Variants in TRPV1 observed in about 807,000 individuals in gnomAD.
TRPV1 encodes OTRPC1.
A neutral mutation model predicts 82.3 loss-of-function variants in TRPV1; 82 were observed. The observed-to-expected ratio is 1.00, with a 90% CI of 0.83 to 1.20. The LOEUF is 1.20. Among genes scored for constraint, TRPV1 ranks in the 50% most tolerant of loss-of-function variants. The pLI, the probability that TRPV1 is intolerant of heterozygous loss-of-function variation, is 0.00. For synonymous variants in TRPV1, 515 were observed against 467.7 expected (o/e 1.10, Z -1.30); for missense variants, 1,067 against 1,096.8 (o/e 0.97, Z 0.38).
At chr17:3,590,520 A>AC (rs1486710600) in intron 5 of TRPV1, 128 bp from the exon 6 acceptor site, 63 of 1,378,706 alleles carry the variant, frequency 4.6e-5, no homozygotes, top group South Asian at 7.6e-5. Context: ...TGCCTGGAGG[A>AC]CCCCCCCACT....
Position 3,588,714 on chromosome 17 carries a change from C to T in TRPV1, c.1045-347G>A, listed in dbSNP as rs148434263. ...CTGTAATCCCGGCTACTTGAGAGGC[C>T]GAGACAGGAGAATCACTTGAACCTG... On this transcript the variant is annotated intron_variant, in intron 7 of 16. Transcript: ENST00000572705. Among the ~76,000 whole-genome samples, 27 of 151,124 alleles carry T rather than the reference C, an allele frequency of 1.8e-4. No individual in the cohort carries two copies. The East Asian group carries it at 5.1e-3, about 28-fold the overall frequency.
At chr17:3,582,214 A>AAAAAAAAAAAAAAACAAAC (rs2075030233) in intron 10 of TRPV1, among the ~76,000 whole-genome samples, 1 of 146,060 alleles carries the variant, frequency 6.8e-6, no homozygotes, top group East Asian at 2.1e-4. Flanking sequence ...AAAAAAAAAA[A>AAAAAAAAAAAAAAACAAAC]TCACAGTGGA....
At chr17:3,590,207 T>C in intron 6 of TRPV1, 45 bp downstream of exon 6, 2 of 1,605,118 alleles carry the variant, frequency 1.2e-6, no homozygotes, top group Non-Finnish European at 1.7e-6. Context: ...AACCTCCCCT[T>C]AGCAAAAGCC....
At position 3,581,987 on chromosome 17, in the gene TRPV1, G is replaced by T. The variant is rs375344371; in HGVS notation, c.1476+1351C>A. Among the ~76,000 whole-genome samples, 38 of 143,982 alleles carry T rather than the reference G, an allele frequency of 2.6e-4. 1 individual carries two copies. In the South Asian group the frequency reaches 6.3e-3, roughly 24 times the overall value. 94.5% of individuals were successfully genotyped at this position (143,982 alleles called of 152,430 possible). On this transcript the variant is annotated intron_variant, in intron 10 of 16. Transcript: ENST00000572705. ...GGGCGGATCACGAGGTCAGGAGATC[G>T]AGACCATCCTGGCTAACACGGTGAA... is the stretch of plus-strand genomic sequence containing the variant.
rs201833917 is a variant in TRPV1, at chr17:3,590,036, G to A, written c.815C>T (p.Ser272Phe). Residue 272 changes from serine (S) to phenylalanine (F), a missense_variant, in exon 7 of 17, where the codon TCC (serine) becomes TTC (phenylalanine). By Grantham distance (155) the Ser-to-Phe change is radical. Coordinates refer to ENST00000572705, the MANE Select transcript of TRPV1 (RefSeq NM_080704.4). ...LGIVKFLLQNSWQTADISARD... is the reference protein window; with the variant it reads ...LGIVKFLLQNFWQTADISARD... Reference sequence around the variant, plus strand: ...GGCGCTGATGTCGGCCGTCTGCCAGGAGTTCTGCAGCAGGAACTTCACGAT... The same window carrying A: ...GGCGCTGATGTCGGCCGTCTGCCAGAAGTTCTGCAGCAGGAACTTCACGAT... The A allele has an allele frequency of 6.3e-7, 1 of 1,582,610 alleles. No homozygotes were observed. Among genetic ancestry groups the A allele is most frequent in the Non-Finnish European group, 8.6e-7 (1 of 1,165,032 alleles).
chr17:3,577,082 A>G, intron 13 of TRPV1, 44 bp downstream of exon 13: 1 of 1,553,626 alleles, frequency 6.4e-7, no homozygotes, highest in African/African-American at 1.4e-5. Context: ...AGGCTCAGCC[A>G]AGCAGGACCC....
chr17:3,600,391 C>T (rs1000636566), intron 2 of TRPV1, among the ~76,000 whole-genome samples: 1 of 152,156 alleles, frequency 6.6e-6, no homozygotes, highest in African/African-American at 2.4e-5. Flanking sequence ...AGTTCAAGAC[C>T]AGCCTAGCCA....
intron 14 of TRPV1, 97 bp downstream of exon 14, chr17:3,573,536 C>CA (rs1229648168): frequency 7.2e-6 from 1 of 138,908 alleles, no homozygotes; most frequent in Non-Finnish European, 1.6e-5. Flanking sequence ...CACACCGCCC[C>CA]CACCACCCAC....
chr17:3,587,612 A>G (rs2075100154), intron 8 of TRPV1, among the ~76,000 whole-genome samples: 1 of 152,218 alleles, frequency 6.6e-6, no homozygotes, highest in East Asian at 1.9e-4. Flanking sequence ...TGAGGTCAAG[A>G]GTTCGAGACC....
intron 13 of TRPV1, among the ~76,000 whole-genome samples, chr17:3,576,653 G>GAAGAA (rs1555549428): frequency 2.4e-5 from 1 of 41,490 alleles, no homozygotes; most frequent in East Asian, 1.6e-3. Flanking sequence ...CTCTGTATGA[G>GAAGAA]AAAAAAAAAA....
chr17:3,586,919 C>G (rs1222142491), intron 8 of TRPV1, among the ~76,000 whole-genome samples: 3 of 152,186 alleles, frequency 2.0e-5, no homozygotes, highest in African/African-American at 7.2e-5. Flanking sequence ...TGATCAGTGT[C>G]TTCTTGAATG....
chr17:3,577,489 GC>G (rs1312665661), intron 12 of TRPV1, 108 bp downstream of exon 12: 4 of 1,355,484 alleles, frequency 3.0e-6, no homozygotes, highest in Non-Finnish European at 3.0e-6. Context: ...GGGTAAACCA[GC>G]CCCTTCCCAG....
In TRPV1 at chr17:3,594,948, G is replaced by A. The variant is rs556295334; in HGVS notation, c.-33-2565C>T. 1.6e-4 allele frequency among the ~76,000 whole-genome samples: 24 copies of A among 152,298 alleles called. No homozygotes were observed. The East Asian group carries it at 4.6e-3, about 29-fold the overall frequency. On this transcript the variant is annotated intron_variant, in intron 2 of 16. Coordinates refer to ENST00000572705, the MANE Select transcript of TRPV1 (RefSeq NM_080704.4). ...GGGAAGTCAGTGGGACAGGAAGACAGGAGGCCGGGTTAGAACCAGATGGCC... is the reference window on the plus strand; with the variant it reads ...GGGAAGTCAGTGGGACAGGAAGACAAGAGGCCGGGTTAGAACCAGATGGCC...
rs2074894232 is a variant in TRPV1, at chr17:3,573,880, G to GATA, written c.1855_1856insTAT (p.Pro619delinsLeuSer). The GATA allele has an allele frequency of 6.2e-7, 1 of 1,600,632 alleles. No individual in the cohort carries two copies. Among genetic ancestry groups the GATA allele is most frequent in the African/African-American group, 1.3e-5 (1 of 74,562 alleles). On this transcript the variant is annotated protein_altering_variant, in exon 14 of 17. Coordinates refer to ENST00000572705, the MANE Select transcript of TRPV1 (RefSeq NM_080704.4). The stretch of plus-strand genomic sequence containing the variant: ...GGAGCTATCGGGGGGCCTGCAGGCA[G>GATA]GCCCCCGCCACCTGTGCGACGTGGA...
At chr17:3,570,118 G>A (rs564183125) in intron 16 of TRPV1, among the ~76,000 whole-genome samples, 298 of 152,224 alleles carry the variant, frequency 2.0e-3, no homozygotes, top group Non-Finnish European at 3.4e-3. Context: ...GGCCCGGCAT[G>A]GTGGCTCACA....
chr17:3,585,639 C>T (rs1446703166), intron 9 of TRPV1, 129 bp downstream of exon 9: 11 of 1,175,076 alleles, frequency 9.4e-6, no homozygotes, highest in East Asian at 5.2e-5. Context: ...CTCCATCCAT[C>T]GCTCCCGCAA....
At chr17:3,600,639 C>T (rs1056732857) in intron 2 of TRPV1, among the ~76,000 whole-genome samples, 3 of 152,140 alleles carry the variant, frequency 2.0e-5, no homozygotes, top group African/African-American at 7.2e-5. Context: ...CCAGTGAACA[C>T]AGCACACATC....
At chr17:3,581,385 C>T (rs1219579930) in intron 10 of TRPV1, among the ~76,000 whole-genome samples, 1 of 152,168 alleles carries the variant, frequency 6.6e-6, no homozygotes, top group African/African-American at 2.4e-5. Flanking sequence ...CCCTTCTGCT[C>T]CCTCCCACAG....
rs80324596 is a variant in TRPV1, at chr17:3,579,273, G to A, written c.1547+1184C>T. ...TCCAAAAAAAAAAATTGGGTTAAAG[G>A]ATGCGGTTTGTGAGTCGTACGGACA... On this transcript the variant is annotated intron_variant, in intron 11 of 16. Coordinates refer to ENST00000572705, the MANE Select transcript of TRPV1 (RefSeq NM_080704.4). Among the ~76,000 whole-genome samples the A allele has an allele frequency of 1.3e-3, 195 of 152,204 alleles. 4 individuals are homozygous for A. The East Asian group carries it at 0.029, about 23-fold the overall frequency.
Sources: gnomAD v4.1 joint callset for allele counts (sites outside exome capture counted in the v4.1 genomes callset) on GRCh38, gnomAD v4.1.1 for gene constraint, MANE v1.5 for transcripts, NCBI Gene and HGNC (gene_info 2026-07-23, HGNC 2026-07-21) for gene names.